Variants in CD163L1 observed in about 807,000 individuals in gnomAD.
CD163L1 encodes the protein scavenger receptor cysteine-rich type 1 protein M160.
A neutral mutation model predicts 165.4 loss-of-function variants in CD163L1; 124 were observed. The ratio of observed to expected loss-of-function variants is 0.75; its 90% CI spans 0.65 to 0.87. The LOEUF (loss-of-function observed/expected upper bound fraction) is 0.87. Ranked by LOEUF, CD163L1 falls within the 40% of genes least tolerant of loss-of-function variation. CD163L1 has a pLI of 0.00. For synonymous variants in CD163L1, 585 were observed against 662.2 expected, an observed-to-expected ratio of 0.88 and a Z score of 1.79; for missense variants, 1,525 against 1,799.9, an observed-to-expected ratio of 0.85 and a Z score of 2.76.
the CD163L1 span, among the ~76,000 whole-genome samples, chr12:7,337,025 G>A: frequency 6.6e-6 from 1 of 152,092 alleles, no homozygotes; most frequent in Middle Eastern, 3.4e-3. Flanking sequence ...CACACATCGA[G>A]AACCATCTGA....
intron 19 of CD163L1, among the ~76,000 whole-genome samples, chr12:7,356,803 G>A (rs937694540): frequency 1.3e-5 from 2 of 152,070 alleles, no homozygotes; most frequent in Non-Finnish European, 2.9e-5. Flanking sequence ...GCACCAGTAA[G>A]TGTTTTAGAA....
intron 6 of CD163L1, among the ~76,000 whole-genome samples, chr12:7,399,687 C>T (rs915735894): frequency 4.6e-5 from 7 of 152,038 alleles, no homozygotes; most frequent in African/African-American, 1.4e-4. Flanking sequence ...TCACTACAAC[C>T]TCTGCCTTCA....
the CD163L1 span, among the ~76,000 whole-genome samples, chr12:7,319,056 A>C: frequency 1.3e-5 from 2 of 152,314 alleles, no homozygotes; most frequent in Non-Finnish European, 2.9e-5. Context: ...TGTATAACGA[A>C]ATAATTATAC....
intron 18 of CD163L1, among the ~76,000 whole-genome samples, chr12:7,362,504 TTAAA>T (rs1217818507): frequency 7.1e-6 from 1 of 141,390 alleles, no homozygotes; most frequent in Non-Finnish European, 1.5e-5. Flanking sequence ...AATTAATATA[TTAAA>T]TTAATAGTTA....
At chr12:7,402,680 G>C (rs1400547491) in intron 6 of CD163L1, among the ~76,000 whole-genome samples, 7 of 151,346 alleles carry the variant, frequency 4.6e-5, no homozygotes, top group Admixed American at 4.6e-4. Flanking sequence ...CTGTTGCCCA[G>C]GCTGGAGTGC....
chr12:7,427,093 C>A (rs775520560), intron 4 of CD163L1, among the ~76,000 whole-genome samples: 1 of 151,934 alleles, frequency 6.6e-6, no homozygotes, highest in African/African-American at 2.4e-5. Flanking sequence ...AATAGTAATA[C>A]GTAATAGTAG....
At chr12:7,361,382 G>C (rs895632238) in intron 18 of CD163L1, among the ~76,000 whole-genome samples, 7 of 152,110 alleles carry the variant, frequency 4.6e-5, no homozygotes, top group African/African-American at 1.7e-4. Context: ...TCATACTGCA[G>C]TAAAGGTTCA....
At chr12:7,355,690 G>C (rs776033809) in intron 19 of CD163L1, among the ~76,000 whole-genome samples, 8 of 152,206 alleles carry the variant, frequency 5.3e-5, no homozygotes, top group Admixed American at 3.3e-4. Context: ...CCTTCAAAGA[G>C]GTAATTAAGG....
chr12:7,334,801 T>C, the CD163L1 span, among the ~76,000 whole-genome samples: 1 of 152,188 alleles, frequency 6.6e-6, no homozygotes, highest in African/African-American at 2.4e-5. Context: ...AGTATCAGGA[T>C]ACAAAATCAA....
chr12:7,439,267 C>T (rs1392061450), intron 2 of CD163L1: 4 of 1,549,490 alleles, frequency 2.6e-6, no homozygotes, highest in African/African-American at 1.4e-5. Context: ...GGGATCTTCT[C>T]TTGTTTTCGT....
At chr12:7,404,904 T>C (rs752171201) in intron 5 of CD163L1, among the ~76,000 whole-genome samples, 1 of 152,262 alleles carries the variant, frequency 6.6e-6, no homozygotes, top group South Asian at 2.1e-4. Flanking sequence ...TGGAGATTGA[T>C]TTATACAGGG....
At chr12:7,412,096 A>C (rs901163411) in intron 4 of CD163L1, among the ~76,000 whole-genome samples, 2 of 152,196 alleles carry the variant, frequency 1.3e-5, no homozygotes, top group Non-Finnish European at 2.9e-5. Context: ...GGATTTGAAA[A>C]CATCATTTAT....
chr12:7,332,768 G>C, the CD163L1 span, among the ~76,000 whole-genome samples: 1 of 152,118 alleles, frequency 6.6e-6, no homozygotes, highest in African/African-American at 2.4e-5. Context: ...TGCCCTAAAA[G>C]AGCTCCTGAA....
intron 4 of CD163L1, among the ~76,000 whole-genome samples, chr12:7,417,938 T>C (rs1023497641): frequency 1.3e-5 from 2 of 152,038 alleles, no homozygotes; most frequent in Non-Finnish European, 2.9e-5. Context: ...GGTCCTTACC[T>C]ATCAATAACT....
In CD163L1 at chr12:7,373,513, A is replaced by G. The variant is rs1947187197; in HGVS notation, c.3537T>C (p.Ile1179=). ...CCCCACAGCCCAGCTGCCTGCACAC[A>G]ATGCCTGCTATGGCTGTGGTGATGT... ...RRNITTAIAG[I]VCRQLGCGEN... is the part of the protein sequence containing the mutation. Residue 1179 remains isoleucine (I), a synonymous_variant, in exon 14 of 20, where the codon ATT becomes ATC. Transcript: ENST00000313599. 8.1e-6 allele frequency: 13 copies of G among 1,614,078 alleles called. No homozygotes were observed. The highest frequency in any genetic ancestry group is 1.3e-5 in the African/African-American group (1 of 74,930).
Position 7,365,206 on chromosome 12 carries a change from GATAACCAC to G in CD163L1, c.4279+2022_4279+2029del, listed in dbSNP as rs913213246. Among the ~76,000 whole-genome samples the G allele has an allele frequency of 2.9e-4, 44 of 152,124 alleles. 1 individual carries two copies. Among genetic ancestry groups the G allele is most frequent in the South Asian group, 1.9e-3 (9 of 4,816 alleles). On this transcript the variant is annotated intron_variant, in intron 18 of 19. Coordinates refer to ENST00000313599, the MANE Select transcript of CD163L1 (RefSeq NM_174941.6). ...TCAATAAATGGCACTGGGAAAACTG[GATAACCAC>G]ATGCACAAGAATGAAACTAGACTCT...
chr12:7,415,270 C>T lies in CD163L1; in HGVS notation c.767-8418G>A, dbSNP rs140385052. ...TAAAAATAGTTATAACTCTAATATG[C>T]GTCATGTAAGCTTTGTGGTAAACAT... On this transcript the variant is annotated intron_variant, in intron 4 of 19. Coordinates refer to ENST00000313599, the MANE Select transcript of CD163L1 (RefSeq NM_174941.6). 6.6e-5 allele frequency among the ~76,000 whole-genome samples: 10 copies of T among 151,842 alleles called. No individual in the cohort carries two copies. The East Asian group carries it at 1.4e-3, about 21-fold the overall frequency.
intron 2 of CD163L1, among the ~76,000 whole-genome samples, chr12:7,434,158 T>G (rs1438188211): frequency 6.6e-6 from 1 of 152,202 alleles, no homozygotes; most frequent in African/African-American, 2.4e-5. Flanking sequence ...CAATAAAATC[T>G]ACAGCATTAA....
At chr12:7,380,320 T>C (rs1947360451) in intron 8 of CD163L1, among the ~76,000 whole-genome samples, 1 of 148,910 alleles carries the variant, frequency 6.7e-6, no homozygotes, top group African/African-American at 2.6e-5. Flanking sequence ...TATACATACA[T>C]ATATGTATGT....
Sources: gnomAD v4.1 joint callset for allele counts (sites outside exome capture counted in the v4.1 genomes callset) on GRCh38, gnomAD v4.1.1 for gene constraint, MANE v1.5 for transcripts, NCBI Gene and HGNC (gene_info 2026-07-23, HGNC 2026-07-21) for gene names.